RNASEL: variants seen among roughly 807,000 people sequenced by gnomAD.
RNASEL encodes 2-5A-dependent ribonuclease.
Under a neutral mutation model 50.9 loss-of-function variants are expected in RNASEL, and 36 were observed. The ratio of observed to expected loss-of-function variants is 0.71; its 90% CI spans 0.54 to 0.93. The LOEUF (loss-of-function observed/expected upper bound fraction) is 0.93. RNASEL is among the 40% of genes least tolerant of loss of function. The pLI, the probability that RNASEL is intolerant of heterozygous loss-of-function variation, is 0.00. For synonymous variants in RNASEL, 335 were observed against 335.6 expected, an observed-to-expected ratio of 1.00 and a Z score of 0.02; for missense variants, 860 against 894.5, an observed-to-expected ratio of 0.96 and a Z score of 0.49.
In RNASEL at chr1:182,584,143, C is replaced by T. The variant is rs768393112; in HGVS notation, c.1504G>A (p.Ala502Thr). ...LIDSKKAAHL[A>T]DFDKSIKWAG... ...CACTTGATGCTCTTATCAAAATCTG[C>T]CAGGTGAGCAGCTTTCTTAGAATCT... Residue 502 changes from alanine to threonine, a missense_variant, in exon 3 of 7, where the codon GCA becomes ACA. Physicochemically the swap from Ala to Thr is moderately conservative, Grantham distance 58. Coordinates refer to ENST00000367559, the MANE Select transcript of RNASEL (RefSeq NM_021133.4). 1 of 1,613,852 alleles carries T rather than the reference C, an allele frequency of 6.2e-7. No homozygotes were observed. The highest frequency in any genetic ancestry group is 8.5e-7 in the Non-Finnish European group (1 of 1,179,876).
At chr1:182,576,497 C>A in intron 5 of RNASEL, 108 bp from the exon 6 acceptor site, 2 of 831,758 alleles carry the variant, frequency 2.4e-6, no homozygotes, top group Non-Finnish European at 1.9e-6. Context: ...TTCATATATT[C>A]TATAATTACC....
chr1:182,578,112 A>G (rs958022043), intron 5 of RNASEL: 2 of 152,222 alleles, frequency 1.3e-5, no homozygotes, highest in Middle Eastern at 3.2e-3. Context: ...AAGCACAAGC[A>G]ATGAAAATAA....
At chr1:182,581,486 T>C (rs1661496829) in intron 4 of RNASEL, 129 bp from the exon 5 acceptor site, 1 of 1,097,836 alleles carries the variant, frequency 9.1e-7, no homozygotes, top group Non-Finnish European at 1.3e-6. Flanking sequence ...TTTTTTTTTT[T>C]TTTTTTTTTT....
chr1:182,584,784 C>T (rs577893909), intron 2 of RNASEL, among the ~76,000 whole-genome samples: 11 of 152,266 alleles, frequency 7.2e-5, no homozygotes, highest in Admixed American at 5.9e-4. Context: ...CTTGCTCCCC[C>T]GCACCATATT....
chr1:182,579,675 G>A (rs2102365198), intron 5 of RNASEL: 2 of 1,143,920 alleles, frequency 1.7e-6, no homozygotes, highest in East Asian at 7.7e-5. Context: ...GGTAAAACTT[G>A]AAGTTAAAAC....
At chr1:182,575,833 A>G (rs1316233817) in intron 6 of RNASEL, among the ~76,000 whole-genome samples, 1 of 152,024 alleles carries the variant, frequency 6.6e-6, no homozygotes, top group Non-Finnish European at 1.5e-5. Context: ...TCTACCTACA[A>G]TTCCAAAATC....
At position 182,586,875 on chromosome 1, in the gene RNASEL, C is replaced by A; in HGVS notation, c.-69G>T. 1 of 1,599,280 alleles carries A rather than the reference C, an allele frequency of 6.3e-7. No homozygotes were observed. Among genetic ancestry groups the A allele is most frequent in the Non-Finnish European group, 8.5e-7 (1 of 1,169,992 alleles). On this transcript the variant is annotated 5_prime_UTR_variant, in exon 2 of 7. Coordinates refer to ENST00000367559, the MANE Select transcript of RNASEL (RefSeq NM_021133.4). ...GAAAATGCAAATTTATCTCCTAGCA[C>A]TTAATCAAAGAAGCTTTGAGTGTAA...
chr1:182,582,718 A>G (rs1480458947), intron 3 of RNASEL, among the ~76,000 whole-genome samples: 3 of 152,120 alleles, frequency 2.0e-5, no homozygotes, highest in Admixed American at 2.0e-4. Context: ...GGCCAGGAGG[A>G]AAGGCCAAGA....
chr1:182,579,834 A>G (rs573473193), intron 5 of RNASEL: 15 of 737,524 alleles, frequency 2.0e-5, no homozygotes, highest in African/African-American at 3.6e-5. Context: ...CTGAGCCTCA[A>G]TTTCCTCAGT....
chr1:182,586,253 T>C lies in RNASEL; in HGVS notation c.554A>G (p.Lys185Arg). The change falls in exon 2 of 7, where the codon AAG becomes AGG. Residue 185 changes from lysine (K) to arginine (R), a missense_variant. Coordinates refer to ENST00000367559, the MANE Select transcript of RNASEL (RefSeq NM_021133.4). ...AAEKGHVEVL[K>R]ILLDEMGADV... The stretch of plus-strand genomic sequence containing the variant: ...TGCCCCCATCTCATCAAGGAGAATC[T>C]TCAAGACCTCTACGTGTCCTTTTTC... The C allele has an allele frequency of 6.2e-7, 1 of 1,614,200 alleles. No individual in the cohort carries two copies.
intron 5 of RNASEL, chr1:182,579,198 C>T: frequency 1.0e-6 from 1 of 970,332 alleles, no homozygotes; most frequent in Non-Finnish European, 1.2e-6. Context: ...TGTAACAAAA[C>T]TATACTAGTA....
At position 182,573,833 on chromosome 1, in the gene RNASEL, T is replaced by C. The variant is rs761442458; in HGVS notation, c.*1559A>G. The C allele has an allele frequency of 9.0e-5, 17 of 189,664 alleles. No individual in the cohort carries two copies. The highest frequency in any genetic ancestry group is 1.0e-4 in the Non-Finnish European group (9 of 90,396). The allele number at this position is 189,664 out of a possible 1,614,324, so 11.7% of individuals were successfully genotyped here. A position where few individuals can be genotyped will look rare whatever the true frequency, so the allele number is the denominator to read the frequency against. ...CATTCAGTGGTATCTATTTATCCAT[T>C]GCTAGATACCTCCTTTTCAGAAAGA... On this transcript the variant is annotated 3_prime_UTR_variant, in exon 7 of 7. Transcript: ENST00000367559.
chr1:182,580,201 A>G (rs579006), intron 5 of RNASEL, among the ~76,000 whole-genome samples: 50,779 of 152,120 alleles, frequency 0.33, 8,627 homozygotes, highest in Non-Finnish European at 0.37. Context: ...ATAGACATTC[A>G]TTTAGTAAAG....
chr1:182,580,442 A>G (rs911857446), intron 5 of RNASEL, among the ~76,000 whole-genome samples: 1 of 152,232 alleles, frequency 6.6e-6, no homozygotes, highest in South Asian at 2.1e-4. Context: ...CCAAGACCTG[A>G]AGATTATGGG....
chr1:182,579,774 C>A, intron 5 of RNASEL: 1 of 1,158,498 alleles, frequency 8.6e-7, no homozygotes, highest in Non-Finnish European at 1.1e-6. Context: ...TTCCTCTTTC[C>A]AGGTCTGCCA....
In RNASEL at chr1:182,576,130, G is replaced by A. The variant is rs904304560; in HGVS notation, c.2039+126C>T. The A allele has an allele frequency of 2.0e-5, 18 of 918,046 alleles. No individual in the cohort carries two copies. In the Admixed American group the frequency reaches 2.2e-4, roughly 11 times the overall value. The allele number at this position is 918,046 out of a possible 1,614,324, so 56.9% of individuals were successfully genotyped here. A position where few individuals can be genotyped will look rare whatever the true frequency, so the allele number is the denominator to read the frequency against. On this transcript the variant is annotated intron_variant, in intron 6 of 6. Transcript: ENST00000367559. Reference sequence around the variant, plus strand: ...GTGATAGCCCTTTTACACACAGAGGGAAGGAATTACTTTTCTTTCATCAAA... The same window carrying A: ...GTGATAGCCCTTTTACACACAGAGGAAAGGAATTACTTTTCTTTCATCAAA...
intron 5 of RNASEL, 133 bp from the exon 6 acceptor site, chr1:182,576,522 G>T: frequency 1.4e-6 from 1 of 730,912 alleles, no homozygotes. Context: ...AATTAATAAA[G>T]CAAAATAATT....
rs776654744 is a variant in RNASEL at position 182,585,880 on chromosome 1, C to T, written c.927G>A (p.Arg309=). 1 of 1,612,390 alleles carries T rather than the reference C, an allele frequency of 6.2e-7. No individual in the cohort carries two copies. Among genetic ancestry groups the T allele is most frequent in the Non-Finnish European group, 8.5e-7 (1 of 1,178,588 alleles). The part of the protein sequence containing the change: ...TDCGDLVMTA[R]RNYDHSLVKV... ...TCACAAGGGAATGGTCATAATTCCG[C>T]CTCGCTGTCATAACAAGATCCCCAC... Residue 309 remains arginine (R), a synonymous_variant, in exon 2 of 7, where the codon AGG becomes AGA. Coordinates refer to ENST00000367559, the MANE Select transcript of RNASEL (RefSeq NM_021133.4).
intron 5 of RNASEL, among the ~76,000 whole-genome samples, chr1:182,577,586 C>T (rs1661414634): frequency 6.6e-6 from 1 of 151,934 alleles, no homozygotes; most frequent in Admixed American, 6.6e-5. Context: ...CAATGCAATC[C>T]CTATCAAAAT....
Sources: allele counts gnomAD v4.1 joint callset (sites outside exome capture counted in the v4.1 genomes callset), GRCh38; gene constraint gnomAD v4.1.1; transcripts MANE v1.5; gene names NCBI Gene and HGNC (gene_info 2026-07-23, HGNC 2026-07-21).